The following PLEKHD1 variants were observed in gnomAD, a reference collection of about 807,000 sequenced individuals.
PLEKHD1 encodes the protein pleckstrin homology domain-containing family D member 1.
A neutral mutation model predicts 69.2 loss-of-function variants in PLEKHD1; 51 were observed. That is an observed-to-expected ratio of 0.74 (90% CI 0.59 to 0.93). The LOEUF (loss-of-function observed/expected upper bound fraction) is 0.93, where lower values mean the gene tolerates loss of function less well. Ranked by LOEUF, PLEKHD1 falls within the 40% of genes least tolerant of loss-of-function variation. The pLI, the probability that PLEKHD1 is intolerant of heterozygous loss-of-function variation, is 0.00. For missense variants in PLEKHD1, 584 were observed against 641.0 expected, an observed-to-expected ratio of 0.91 and a Z score of 0.96; for synonymous variants, 236 against 244.7, an observed-to-expected ratio of 0.96 and a Z score of 0.33.
chr14:69,501,125 C>T, intron 4 of PLEKHD1, 178 bp downstream of exon 4: 1 of 639,212 alleles, frequency 1.6e-6, no homozygotes, highest in African/African-American at 1.8e-5. Context: ...GAGGGGTCCC[C>T]TGAGTGAGCT....
At chr14:69,495,093 T>C (rs1419378537) in intron 1 of PLEKHD1, among the ~76,000 whole-genome samples, 3 of 152,114 alleles carry the variant, frequency 2.0e-5, no homozygotes, top group Non-Finnish European at 2.9e-5. Context: ...CCTACTGAAC[T>C]CTGGCCCTCA....
At chr14:69,487,986 A>G (rs573028265) in intron 1 of PLEKHD1, among the ~76,000 whole-genome samples, 8 of 152,240 alleles carry the variant, frequency 5.3e-5, no homozygotes, top group African/African-American at 1.4e-4. Context: ...CCTAAGGAGG[A>G]GGACCCACCC....
chr14:69,502,899 C>T lies in PLEKHD1; in HGVS notation c.555+20C>T, dbSNP rs1018522224. 3.2e-6 allele frequency: 5 copies of T among 1,551,342 alleles called. No individual in the cohort carries two copies. The highest frequency in any genetic ancestry group is 4.4e-6 in the Non-Finnish European group (5 of 1,146,826). Reference sequence around the variant, plus strand: ...AGAGAGGTAGGTGCACACCAAGGGGCTCTCAGCAGCCGTGGTGTAATGGCT... The same window carrying T: ...AGAGAGGTAGGTGCACACCAAGGGGTTCTCAGCAGCCGTGGTGTAATGGCT... On this transcript the variant is annotated intron_variant, in intron 6 of 12. Transcript: ENST00000322564.
chr14:69,504,986 C>G (rs1207907305), intron 6 of PLEKHD1, among the ~76,000 whole-genome samples: 1 of 152,228 alleles, frequency 6.6e-6, no homozygotes, highest in African/African-American at 2.4e-5. Context: ...ACTTATCCAT[C>G]AGAGAGGCTA....
intron 6 of PLEKHD1, among the ~76,000 whole-genome samples, chr14:69,519,185 T>C (rs1883453377): frequency 6.6e-6 from 1 of 152,160 alleles, no homozygotes; most frequent in Non-Finnish European, 1.5e-5. Context: ...ATCTTCATTA[T>C]TCATAAATGC....
chr14:69,524,386 T>G lies in PLEKHD1; in HGVS notation c.744+64T>G, dbSNP rs138231670. On this transcript the variant is annotated intron_variant, in intron 8 of 12. Coordinates refer to ENST00000322564, the MANE Select transcript of PLEKHD1 (RefSeq NM_001161498.2). ...GCTGGTTGGTTGGACCACATGACACTGTTTTTTCCAGCAGTGTTTCCCCAG... is the reference window on the plus strand; with the variant it reads ...GCTGGTTGGTTGGACCACATGACACGGTTTTTTCCAGCAGTGTTTCCCCAG... 1.9e-5 allele frequency: 26 copies of G among 1,373,460 alleles called. No homozygotes were observed. The African/African-American group carries it at 3.5e-4, about 18-fold the overall frequency. 85.1% of individuals were successfully genotyped at this position (1,373,460 alleles called of 1,614,324 possible).
upstream of PLEKHD1, among the ~76,000 whole-genome samples, chr14:69,483,209 G>A (rs951254033): frequency 1.2e-4 from 19 of 152,042 alleles, no homozygotes; most frequent in Non-Finnish European, 2.4e-4. Flanking sequence ...AGCAACAAGG[G>A]GATGCTGTCT....
At chr14:69,468,151 G>A in the PLEKHD1 span, among the ~76,000 whole-genome samples, 5 of 152,214 alleles carry the variant, frequency 3.3e-5, no homozygotes, top group African/African-American at 1.2e-4. Flanking sequence ...AGTTAGTTAA[G>A]ACAAGGGAGA....
chr14:69,496,962 G>T lies in PLEKHD1; in HGVS notation c.150-3153G>T, dbSNP rs906310666. 3.9e-5 allele frequency among the ~76,000 whole-genome samples: 6 copies of T among 152,228 alleles called. No homozygotes were observed. The East Asian group carries it at 1.2e-3, about 29-fold the overall frequency. ...ACCTTATCTCCAAATACAGTCACATGTGGGGTTAGGGCTTGAACATATGAA... is the reference window on the plus strand; with the variant it reads ...ACCTTATCTCCAAATACAGTCACATTTGGGGTTAGGGCTTGAACATATGAA... On this transcript the variant is annotated intron_variant, in intron 1 of 12. Transcript: ENST00000322564.
chr14:69,474,096 TCAA>T, the PLEKHD1 span, among the ~76,000 whole-genome samples: 1 of 152,068 alleles, frequency 6.6e-6, no homozygotes, highest in Non-Finnish European at 1.5e-5. Flanking sequence ...CACCCACTCA[TCAA>T]GGAAATAAAG....
intron 6 of PLEKHD1, among the ~76,000 whole-genome samples, chr14:69,516,598 C>G (rs981054011): frequency 6.6e-6 from 1 of 151,980 alleles, no homozygotes; most frequent in African/African-American, 2.4e-5. Flanking sequence ...ATTTTTGATC[C>G]TTCTTCCTGA....
chr14:69,480,414 G>A (rs370181903), upstream of PLEKHD1, among the ~76,000 whole-genome samples: 1 of 152,242 alleles, frequency 6.6e-6, no homozygotes, highest in East Asian at 1.9e-4. Context: ...GCACAAGCCT[G>A]GAAACAAGTA....
intron 11 of PLEKHD1, 39 bp downstream of exon 11, chr14:69,527,371 A>T (rs1017243874): frequency 9.0e-6 from 14 of 1,550,274 alleles, no homozygotes; most frequent in Non-Finnish European, 1.1e-5. Flanking sequence ...CAGCTTTGGC[A>T]CTCAGCCCCA....
chr14:69,507,316 C>T (rs924373421), intron 6 of PLEKHD1, among the ~76,000 whole-genome samples: 17 of 152,226 alleles, frequency 1.1e-4, no homozygotes, highest in Admixed American at 3.9e-4. Context: ...AGGTTTCCTC[C>T]GTGTCTTTTT....
At chr14:69,503,037 G>C (rs947802228) in intron 6 of PLEKHD1, 158 bp downstream of exon 6, 13 of 773,250 alleles carry the variant, frequency 1.7e-5, no homozygotes, top group South Asian at 3.4e-5. Flanking sequence ...GCTTGCTTGG[G>C]ACTTGCTGTA....
chr14:69,485,328 AT>A (rs1882632577), intron 1 of PLEKHD1, among the ~76,000 whole-genome samples: 1 of 152,178 alleles, frequency 6.6e-6, no homozygotes, highest in South Asian at 2.1e-4. Context: ...GCGGTGGCAA[AT>A]TCTCTATGGA....
the PLEKHD1 span, among the ~76,000 whole-genome samples, chr14:69,472,249 T>TG: frequency 6.6e-6 from 1 of 152,130 alleles, no homozygotes; most frequent in Non-Finnish European, 1.5e-5. Flanking sequence ...TGCCTACACA[T>TG]GTATGTATGT....
intron 1 of PLEKHD1, among the ~76,000 whole-genome samples, chr14:69,491,904 G>T (rs1165423651): frequency 1.3e-5 from 2 of 152,206 alleles, no homozygotes; most frequent in African/African-American, 2.4e-5. Flanking sequence ...CTCTGCCCTT[G>T]TTTAACATTT....
At chr14:69,483,150 G>A (rs1882577204), upstream of PLEKHD1, among the ~76,000 whole-genome samples, 2 of 152,194 alleles carry the variant, frequency 1.3e-5, 1 homozygote, top group South Asian at 4.1e-4. Flanking sequence ...ATGGGGGCCT[G>A]AGCCATGAGA....
Sources: gnomAD v4.1 joint callset for allele counts (sites outside exome capture counted in the v4.1 genomes callset) on GRCh38, gnomAD v4.1.1 for gene constraint, MANE v1.5 for transcripts, NCBI Gene and HGNC (gene_info 2026-07-23, HGNC 2026-07-21) for gene names.